DGKG: variants seen among roughly 807,000 people sequenced by gnomAD.
The protein encoded by DGKG is DAG kinase gamma.
A neutral mutation model predicts 105.3 loss-of-function variants in DGKG; 78 were observed. The observed-to-expected ratio is 0.74, with a 90% CI of 0.62 to 0.89. The LOEUF (loss-of-function observed/expected upper bound fraction) is 0.89. Ranked by LOEUF, DGKG falls within the 40% of genes least tolerant of loss-of-function variation. The pLI is 0.00. For missense variants in DGKG, 958 were observed against 1,020.1 expected (o/e 0.94, Z 0.83); for synonymous variants, 346 against 367.1 (o/e 0.94, Z 0.66).
At chr3:186,296,112 CA>C (rs36070727) in intron 5 of DGKG, among the ~76,000 whole-genome samples, 22,291 of 143,234 alleles carry the variant, frequency 0.16, 1,645 homozygotes, top group Middle Eastern at 0.24. Context: ...TTATCTCAGA[CA>C]AAAAAAAAAA....
intron 19 of DGKG, among the ~76,000 whole-genome samples, chr3:186,250,980 G>A (rs978772034): frequency 6.6e-6 from 1 of 152,036 alleles, no homozygotes; most frequent in African/African-American, 2.4e-5. Context: ...ACAGCAGCCT[G>A]GGAAGCAGTG....
intron 20 of DGKG, among the ~76,000 whole-genome samples, chr3:186,240,238 GA>G (rs1255442612): frequency 6.6e-6 from 1 of 152,014 alleles, no homozygotes; most frequent in African/African-American, 2.4e-5. Context: ...TCTGTCATTG[GA>G]AAACCCTCCA....
At chr3:186,219,059 C>A (rs1578681152) in intron 20 of DGKG, among the ~76,000 whole-genome samples, 1 of 149,358 alleles carries the variant, frequency 6.7e-6, no homozygotes, top group Admixed American at 6.7e-5. Context: ...ATAATATTGA[C>A]AGTACTTTAC....
chr3:186,325,913 T>C (rs192276113), intron 1 of DGKG, among the ~76,000 whole-genome samples: 13 of 152,340 alleles, frequency 8.5e-5, no homozygotes, highest in African/African-American at 2.9e-4. Context: ...CATCCTTATT[T>C]TCTAGCACTA....
rs148026142 is a variant in DGKG at position 186,353,969 on chromosome 3, C to T, written c.-249+7977G>A. On this transcript the variant is annotated intron_variant, in intron 1 of 24. Coordinates refer to ENST00000265022, the MANE Select transcript of DGKG (RefSeq NM_001346.3). ...GCTTCCTAATAGTTGAGAAAGATCA[C>T]TTTGTGATCATCCAGGCCTGCTGGA... 2.7e-3 allele frequency among the ~76,000 whole-genome samples: 417 copies of T among 152,210 alleles called. 3 individuals carry two copies. Among genetic ancestry groups the T allele is most frequent in the African/African-American group, 9.7e-3 (401 of 41,502 alleles).
intron 1 of DGKG, among the ~76,000 whole-genome samples, chr3:186,356,390 GCA>G (rs1273729656): frequency 6.6e-6 from 1 of 152,156 alleles, no homozygotes; most frequent in Non-Finnish European, 1.5e-5. Flanking sequence ...GAGAAACAAT[GCA>G]CAGTCTCTAG....
chr3:186,350,881 T>C (rs1463008345), intron 1 of DGKG, among the ~76,000 whole-genome samples: 1 of 152,262 alleles, frequency 6.6e-6, no homozygotes, highest in Non-Finnish European at 1.5e-5. Context: ...TGCTTATTGC[T>C]ATTCACATAT....
chr3:186,252,036 T>C (rs1010578801), intron 18 of DGKG, 117 bp from the exon 19 acceptor site: 18 of 963,894 alleles, frequency 1.9e-5, no homozygotes, highest in Non-Finnish European at 2.5e-5. Flanking sequence ...GACTCCCCAC[T>C]GTGTCTGTGG....
chr3:186,325,130 T>C (rs1359347971), intron 1 of DGKG, among the ~76,000 whole-genome samples: 2 of 151,804 alleles, frequency 1.3e-5, no homozygotes, highest in African/African-American at 4.8e-5. Flanking sequence ...AAATACCAAA[T>C]AGAAAATATG....
chr3:186,239,425 G>A (rs976815204), intron 20 of DGKG, among the ~76,000 whole-genome samples: 3 of 152,112 alleles, frequency 2.0e-5, no homozygotes, highest in African/African-American at 4.8e-5. Context: ...TATGCCTTGC[G>A]GCCTTTCCTA....
chr3:186,318,470 G>A (rs147386291), intron 2 of DGKG, among the ~76,000 whole-genome samples: 38 of 152,200 alleles, frequency 2.5e-4, no homozygotes, highest in African/African-American at 7.9e-4. Context: ...CGGTTCAACC[G>A]TGCCCTAAAC....
Position 186,284,297 on chromosome 3 carries a change from C to T in DGKG, c.594+363G>A, listed in dbSNP as rs1269271444. On this transcript the variant is annotated intron_variant, in intron 7 of 24. Coordinates refer to ENST00000265022, the MANE Select transcript of DGKG (RefSeq NM_001346.3). This position sits in a 1 kb window ranked among gnomAD's most constrained non-coding sequence, Gnocchi z 4.0. ...AGCCTCCTTCCTCGTGCCCTTTTCC[C>T]TTGGTCTTGTTGCCTCCCCCGCCCT... is the stretch of plus-strand genomic sequence containing the variant. Among the ~76,000 whole-genome samples, 3 of 152,150 alleles carry T rather than the reference C, an allele frequency of 2.0e-5. No individual in the cohort carries two copies. The highest frequency in any genetic ancestry group is 7.2e-5 in the African/African-American group (3 of 41,426).
In DGKG at chr3:186,148,810, A is replaced by G. The variant is rs1275904353; in HGVS notation, c.*1280T>C. 6 of 985,306 alleles carry G rather than the reference A, an allele frequency of 6.1e-6. No homozygotes were observed. Among genetic ancestry groups the G allele is most frequent in the Non-Finnish European group, 7.2e-6 (6 of 829,876 alleles). 61.0% of individuals were successfully genotyped at this position (985,306 alleles called of 1,614,324 possible). A position where few individuals can be genotyped will look rare whatever the true frequency, so the allele number is the denominator to read the frequency against. On this transcript the variant is annotated 3_prime_UTR_variant, in exon 25 of 25. Transcript: ENST00000265022. ...ATAGGGAGCTACTTTCATTCCCCTT[A>G]ACCCTTGTGATCACCACAGGGAGAT...
chr3:186,261,560 C>A, intron 15 of DGKG, 139 bp downstream of exon 15: 1 of 695,518 alleles, frequency 1.4e-6, no homozygotes, highest in Non-Finnish European at 2.6e-6. Flanking sequence ...GTCACTTGGG[C>A]CAGGTCATAA....
At chr3:186,194,246 G>A (rs997654295) in intron 21 of DGKG, among the ~76,000 whole-genome samples, 7 of 152,242 alleles carry the variant, frequency 4.6e-5, no homozygotes, top group African/African-American at 4.8e-5. Flanking sequence ...AATGAGACGC[G>A]CTAGGGAACT....
At chr3:186,191,120 G>A (rs1217794341) in intron 21 of DGKG, among the ~76,000 whole-genome samples, 1 of 152,156 alleles carries the variant, frequency 6.6e-6, no homozygotes, top group African/African-American at 2.4e-5. Flanking sequence ...AGCTAGATAT[G>A]TATCCAGGTC....
At chr3:186,151,058 A>G (rs1311303432) in intron 24 of DGKG, among the ~76,000 whole-genome samples, 2 of 152,234 alleles carry the variant, frequency 1.3e-5, no homozygotes, top group Admixed American at 1.3e-4. Flanking sequence ...GAGTCCAGAC[A>G]CTTCCACTTC....
intron 21 of DGKG, among the ~76,000 whole-genome samples, chr3:186,195,331 A>G (rs1718129414): frequency 6.6e-6 from 1 of 152,168 alleles, no homozygotes; most frequent in Non-Finnish European, 1.5e-5. Flanking sequence ...TTACCTTAAT[A>G]CTATTGTTAC....
At chr3:186,154,992 A>G (rs1337829875) in intron 24 of DGKG, among the ~76,000 whole-genome samples, 2 of 152,294 alleles carry the variant, frequency 1.3e-5, no homozygotes, top group African/African-American at 4.8e-5. Context: ...AGATTCTGCT[A>G]TCGTCTAACT....
Sources: gnomAD v4.1 joint callset for allele counts (sites outside exome capture counted in the v4.1 genomes callset) on GRCh38, gnomAD v4.1.1 for gene constraint, Gnocchi (gnomAD v3.1) non-coding constraint, MANE v1.5 for transcripts, NCBI Gene and HGNC (gene_info 2026-07-23, HGNC 2026-07-21) for gene names.